Variants in SNTG1 observed in about 807,000 individuals in gnomAD.
SNTG1 encodes syntrophin gamma 1.
In SNTG1, 39 loss-of-function variants were observed where a neutral mutation model predicts 74.7. That is an observed-to-expected ratio of 0.52 (90% CI 0.40 to 0.68). The LOEUF (loss-of-function observed/expected upper bound fraction) is 0.68. Among genes scored for constraint, SNTG1 ranks in the 30% least tolerant of loss-of-function variants. SNTG1 has a pLI of 0.00. For synonymous variants in SNTG1, 254 were observed against 217.1 expected (o/e 1.17, Z -1.49); for missense variants, 685 against 609.5 (o/e 1.12, Z -1.30).
At chr8:50,186,917 T>G (rs983739255) in intron 2 of SNTG1, among the ~76,000 whole-genome samples, 1 of 152,144 alleles carries the variant, frequency 6.6e-6, no homozygotes, top group Admixed American at 6.6e-5. Context: ...TTGGCTTTTG[T>G]TGCAATTACT....
At chr8:50,582,783 C>G (rs1390580592) in intron 12 of SNTG1, among the ~76,000 whole-genome samples, 1 of 152,028 alleles carries the variant, frequency 6.6e-6, no homozygotes, top group African/African-American at 2.4e-5. Flanking sequence ...TAAGAAAATA[C>G]TACACAAAAG....
intron 2 of SNTG1, among the ~76,000 whole-genome samples, chr8:50,249,429 CAGCCCCTGGACTCA>C (rs1437111014): frequency 6.6e-6 from 1 of 152,206 alleles, no homozygotes; most frequent in Non-Finnish European, 1.5e-5. Flanking sequence ...GGTTTGGGGG[CAGCCCCTGGACTCA>C]CATGTACCTG....
intron 1 of SNTG1, among the ~76,000 whole-genome samples, chr8:50,158,990 G>C (rs1490309183): frequency 1.3e-5 from 2 of 152,098 alleles, no homozygotes; most frequent in Non-Finnish European, 2.9e-5. Context: ...TTTATTGTCT[G>C]TGTTTGCTTC....
intron 1 of SNTG1, among the ~76,000 whole-genome samples, chr8:50,071,500 T>G (rs1403348739): frequency 6.6e-6 from 1 of 151,972 alleles, no homozygotes; most frequent in Non-Finnish European, 1.5e-5. Flanking sequence ...TATTTTTGAG[T>G]GGAATTTTGC....
intron 12 of SNTG1, among the ~76,000 whole-genome samples, chr8:50,562,411 A>G (rs1183041910): frequency 6.6e-6 from 1 of 152,184 alleles, no homozygotes; most frequent in African/African-American, 2.4e-5. Flanking sequence ...GAGGAACTGA[A>G]CCCAGTATTT....
At chr8:50,702,963 C>T (rs1005937154) in intron 15 of SNTG1, among the ~76,000 whole-genome samples, 3 of 152,058 alleles carry the variant, frequency 2.0e-5, no homozygotes, top group African/African-American at 7.2e-5. Flanking sequence ...AGATACAGGG[C>T]ACTTACCATG....
At chr8:49,963,795 A>T (rs565362416) in intron 1 of SNTG1, among the ~76,000 whole-genome samples, 1 of 152,350 alleles carries the variant, frequency 6.6e-6, no homozygotes, top group South Asian at 2.1e-4. Flanking sequence ...ATGAAAATAG[A>T]ACTTCACAGA....
At chr8:50,500,452 G>T (rs1295816515) in intron 8 of SNTG1, among the ~76,000 whole-genome samples, 2 of 151,914 alleles carry the variant, frequency 1.3e-5, no homozygotes, top group East Asian at 3.9e-4. Flanking sequence ...GAATCAAAAA[G>T]CTTGTAATTT....
intron 2 of SNTG1, among the ~76,000 whole-genome samples, chr8:50,307,102 T>C (rs2089932090): frequency 6.6e-6 from 1 of 152,086 alleles, no homozygotes; most frequent in East Asian, 1.9e-4. Flanking sequence ...GAATATACCA[T>C]GATTTAATTC....
intron 17 of SNTG1, chr8:50,709,243 T>C: frequency 2.5e-6 from 1 of 403,362 alleles, no homozygotes; most frequent in Admixed American, 4.3e-5. Flanking sequence ...CTATCAATCA[T>C]TTCCCTGTTT....
At chr8:50,437,454 C>T (rs1336226144) in intron 4 of SNTG1, among the ~76,000 whole-genome samples, 1 of 152,058 alleles carries the variant, frequency 6.6e-6, no homozygotes, top group Non-Finnish European at 1.5e-5. Context: ...CAAGAGCCAC[C>T]AGAAGCACAC....
intron 9 of SNTG1, among the ~76,000 whole-genome samples, chr8:50,528,732 C>T (rs1023210054): frequency 6.6e-6 from 1 of 151,426 alleles, no homozygotes; most frequent in Non-Finnish European, 1.5e-5. Context: ...TTTTAACATC[C>T]GTTAGCTCTC....
chr8:50,070,220 T>TTATTCAAA (rs1821247459), intron 1 of SNTG1, among the ~76,000 whole-genome samples: 1 of 152,224 alleles, frequency 6.6e-6, no homozygotes, highest in Non-Finnish European at 1.5e-5. Context: ...CTCAGACGTG[T>TTATTCAAA]TATTCAAATA....
chr8:50,492,892 C>A (rs946771165), intron 8 of SNTG1, among the ~76,000 whole-genome samples: 3 of 152,074 alleles, frequency 2.0e-5, no homozygotes, highest in Non-Finnish European at 4.4e-5. Context: ...TTTAATCCAT[C>A]TTCAGTTAAT....
At chr8:50,520,541 T>A (rs1435241570) in intron 9 of SNTG1, among the ~76,000 whole-genome samples, 1 of 150,854 alleles carries the variant, frequency 6.6e-6, no homozygotes, top group Non-Finnish European at 1.5e-5. Context: ...AAGGCTGATA[T>A]CCAGAATCTA....
chr8:50,270,913 T>C (rs1329216455), intron 2 of SNTG1, among the ~76,000 whole-genome samples: 1 of 152,166 alleles, frequency 6.6e-6, no homozygotes, highest in Non-Finnish European at 1.5e-5. Flanking sequence ...GCTCAGCTGT[T>C]TGCGATGCCT....
chr8:50,341,999 TTCA>T (rs2091331827), intron 2 of SNTG1, among the ~76,000 whole-genome samples: 1 of 152,070 alleles, frequency 6.6e-6, no homozygotes, highest in African/African-American at 2.4e-5. Flanking sequence ...TATTGTGCTT[TTCA>T]TCATCATTTC....
chr8:50,563,766 C>G (rs892753566), intron 12 of SNTG1, among the ~76,000 whole-genome samples: 1 of 152,006 alleles, frequency 6.6e-6, no homozygotes, highest in Non-Finnish European at 1.5e-5. Flanking sequence ...AATACATTGA[C>G]TTGTGGTTTC....
chr8:50,438,494 AG>A, intron 4 of SNTG1, 48 bp from the exon 5 acceptor site: 1 of 1,517,390 alleles, frequency 6.6e-7, no homozygotes, highest in Non-Finnish European at 9.1e-7. Context: ...ATGGTGTGTA[AG>A]TATAGTATTA....
Sources: gnomAD v4.1 joint callset for allele counts (sites outside exome capture counted in the v4.1 genomes callset) on GRCh38, gnomAD v4.1.1 for gene constraint, MANE v1.5 for transcripts, NCBI Gene and HGNC (gene_info 2026-07-23, HGNC 2026-07-21) for gene names.